The following TYW1B variants were observed in gnomAD, a reference collection of about 807,000 sequenced individuals.
TYW1B encodes S-adenosyl-L-methionine-dependent tRNA 4-demethylwyosine synthase TYW1B.
Under a neutral mutation model 86.9 loss-of-function variants are expected in TYW1B, and 73 were observed. That is an observed-to-expected ratio of 0.84 (90% CI 0.70 to 1.02). TYW1B has a LOEUF of 1.02. TYW1B is among the 50% of genes least tolerant of loss of function. TYW1B has a pLI of 0.00. For missense variants in TYW1B, 637 were observed against 827.4 expected, an observed-to-expected ratio of 0.77 and a Z score of 2.82; for synonymous variants, 248 against 292.8, an observed-to-expected ratio of 0.85 and a Z score of 1.56.
chr7:72,639,077 C>A (rs1366375076), intron 11 of TYW1B, among the ~76,000 whole-genome samples: 1 of 151,754 alleles, frequency 6.6e-6, no homozygotes, highest in East Asian at 1.9e-4. Flanking sequence ...AAACAAAGTA[C>A]AATGTGAGAA....
intron 13 of TYW1B, 112 bp from the exon 14 acceptor site, chr7:72,575,831 A>T: frequency 6.9e-7 from 1 of 1,446,842 alleles, no homozygotes; most frequent in Middle Eastern, 2.0e-4. Context: ...TCACGCCAAG[A>T]AAACAAAAAC....
intron 6 of TYW1B, among the ~76,000 whole-genome samples, chr7:72,792,855 C>T (rs1194718332): frequency 1.3e-5 from 2 of 152,060 alleles, no homozygotes; most frequent in Non-Finnish European, 2.9e-5. Context: ...ACCAGGAGTA[C>T]AAAATGATCC....
intron 10 of TYW1B, among the ~76,000 whole-genome samples, chr7:72,704,930 A>G (rs543250432): frequency 6.6e-4 from 101 of 152,148 alleles, no homozygotes; most frequent in Non-Finnish European, 1.4e-3. Context: ...TGCATGTTTC[A>G]GAGAAATATT....
At chr7:72,739,401 C>A (rs1787260126) in intron 8 of TYW1B, among the ~76,000 whole-genome samples, 1 of 151,866 alleles carries the variant, frequency 6.6e-6, no homozygotes, top group South Asian at 2.1e-4. Context: ...GTGAGGAGTT[C>A]AAGACCAGCC....
At chr7:72,767,715 A>C (rs1376423225) in intron 7 of TYW1B, among the ~76,000 whole-genome samples, 1 of 152,220 alleles carries the variant, frequency 6.6e-6, no homozygotes. Context: ...GTACCTCCCC[A>C]AAAACACAGT....
chr7:72,625,924 GA>G (rs201255899), intron 12 of TYW1B, among the ~76,000 whole-genome samples: 1 of 145,392 alleles, frequency 6.9e-6, no homozygotes, highest in East Asian at 2.3e-4. Flanking sequence ...GGAAGGAAAT[GA>G]AAAAAGGGGA....
chr7:72,624,087 C>A (rs1226199771), intron 12 of TYW1B, among the ~76,000 whole-genome samples: 1 of 152,190 alleles, frequency 6.6e-6, no homozygotes, highest in Non-Finnish European at 1.5e-5. Context: ...AGGCATGAGC[C>A]ACCAGGCCCA....
chr7:72,589,005 G>T (rs1811337273), intron 13 of TYW1B, among the ~76,000 whole-genome samples: 1 of 152,066 alleles, frequency 6.6e-6, no homozygotes, highest in Non-Finnish European at 1.5e-5. Flanking sequence ...TAAAGATGGG[G>T]TTTTGCCATG....
intron 5 of TYW1B, among the ~76,000 whole-genome samples, chr7:72,805,030 T>C (rs1384755877): frequency 6.6e-6 from 1 of 152,000 alleles, no homozygotes; most frequent in Admixed American, 6.6e-5. Context: ...TCTGCGACCT[T>C]GGGAAACTTC....
intron 7 of TYW1B, among the ~76,000 whole-genome samples, chr7:72,751,364 T>C (rs782439678): frequency 6.6e-6 from 1 of 152,186 alleles, no homozygotes; most frequent in Non-Finnish European, 1.5e-5. Flanking sequence ...TCTTGTTCTG[T>C]CCTGTTCACC....
At chr7:72,634,500 T>C (rs1463229221) in intron 11 of TYW1B, among the ~76,000 whole-genome samples, 1 of 150,182 alleles carries the variant, frequency 6.7e-6, no homozygotes, top group Non-Finnish European at 1.5e-5. Flanking sequence ...TACTTGTCTC[T>C]TGATGCACAA....
At chr7:72,605,720 G>C (rs1811778948) in intron 13 of TYW1B, among the ~76,000 whole-genome samples, 1 of 152,178 alleles carries the variant, frequency 6.6e-6, no homozygotes, top group Non-Finnish European at 1.5e-5. Flanking sequence ...GGGATCTGAT[G>C]AGATCTGATT....
intron 7 of TYW1B, among the ~76,000 whole-genome samples, chr7:72,765,990 G>T (rs1787762233): frequency 6.6e-6 from 1 of 152,192 alleles, no homozygotes; most frequent in Non-Finnish European, 1.5e-5. Context: ...TCACTTGGCA[G>T]ACTTGTAATT....
At chr7:72,794,466 G>C (rs149464543) in intron 6 of TYW1B, among the ~76,000 whole-genome samples, 5 of 151,940 alleles carry the variant, frequency 3.3e-5, no homozygotes, top group Non-Finnish European at 7.4e-5. Context: ...TTACACAGGA[G>C]AATCGCTTGA....
At chr7:72,776,853 C>T (rs1554470656) in intron 7 of TYW1B, among the ~76,000 whole-genome samples, 1 of 151,308 alleles carries the variant, frequency 6.6e-6, no homozygotes, top group Non-Finnish European at 1.5e-5. Context: ...TGTACCAGAC[C>T]GACAGTTTCT....
chr7:72,725,078 C>CAA (rs1157575939), intron 9 of TYW1B, among the ~76,000 whole-genome samples: 1 of 152,204 alleles, frequency 6.6e-6, no homozygotes, highest in Non-Finnish European at 1.5e-5. Flanking sequence ...CTGCACAGGA[C>CAA]AAGACCCTCA....
Position 72,713,538 on chromosome 7 carries a change from T to G in TYW1B, c.1370+83A>C, listed in dbSNP as rs1786718073. 6.7e-6 allele frequency: 9 copies of G among 1,333,396 alleles called. No homozygotes were observed. In the East Asian group the frequency reaches 1.5e-4, roughly 22 times the overall value. 82.6% of individuals were successfully genotyped at this position (1,333,396 alleles called of 1,614,324 possible). Reference sequence around the variant, plus strand: ...GTAGTAAGTAATCAATAAATCCTATTTGATTGCATTAATGCCTATTAGTTT... The same window carrying G: ...GTAGTAAGTAATCAATAAATCCTATGTGATTGCATTAATGCCTATTAGTTT... On this transcript the variant is annotated intron_variant, in intron 10 of 13. Transcript: ENST00000620995.
At chr7:72,689,689 G>C (rs1554450029) in intron 11 of TYW1B, among the ~76,000 whole-genome samples, 2 of 152,156 alleles carry the variant, frequency 1.3e-5, no homozygotes, top group African/African-American at 4.8e-5. Flanking sequence ...TAACATATAA[G>C]ATGGAATTAA....
At chr7:72,717,249 T>C (rs1309206432) in intron 9 of TYW1B, among the ~76,000 whole-genome samples, 1 of 149,988 alleles carries the variant, frequency 6.7e-6, no homozygotes, top group Admixed American at 6.7e-5. Context: ...TGCAGTGAGC[T>C]GAGACTGCGC....
Sources: allele counts gnomAD v4.1 joint callset (sites outside exome capture counted in the v4.1 genomes callset), GRCh38; gene constraint gnomAD v4.1.1; transcripts MANE v1.5; gene names NCBI Gene and HGNC (gene_info 2026-07-23, HGNC 2026-07-21).